NEMP2: variants seen among roughly 807,000 people sequenced by gnomAD.
NEMP2 encodes the protein UPF0571 transmembrane protein.
Under a neutral mutation model 54.2 loss-of-function variants are expected in NEMP2, and 53 were observed. The ratio of observed to expected loss-of-function variants is 0.98; its 90% confidence interval spans 0.78 to 1.23. NEMP2 has a LOEUF of 1.23. Among genes scored for constraint, NEMP2 ranks in the 50% most tolerant of loss-of-function variants. NEMP2 has a pLI of 0.00. For synonymous variants in NEMP2, 197 were observed against 190.3 expected (o/e 1.04, Z -0.29); for missense variants, 455 against 511.3 (o/e 0.89, Z 1.06).
chr2:190,605,323 G>A, the NEMP2 span, among the ~76,000 whole-genome samples: 1 of 138,712 alleles, frequency 7.2e-6, no homozygotes, highest in Admixed American at 7.4e-5. Flanking sequence ...TCCTTTGCTT[G>A]TTCCCAATCT....
chr2:190,542,587 T>G, the NEMP2 span, among the ~76,000 whole-genome samples: 10 of 152,154 alleles, frequency 6.6e-5, no homozygotes, highest in African/African-American at 9.7e-5. The surrounding 1 kb of genome is among the most constrained non-coding windows in gnomAD (Gnocchi z 4.6). Flanking sequence ...TACTTTTTTT[T>G]TTCTTCTGGC....
At chr2:190,645,780 C>T in the NEMP2 span, among the ~76,000 whole-genome samples, 2 of 152,090 alleles carry the variant, frequency 1.3e-5, no homozygotes, top group South Asian at 2.1e-4. Flanking sequence ...TATTTGCATT[C>T]GACGAAGTAT....
chr2:190,457,498 G>A, the NEMP2 span, among the ~76,000 whole-genome samples: 2 of 152,332 alleles, frequency 1.3e-5, no homozygotes, highest in African/African-American at 4.8e-5. The surrounding 1 kb of genome is among the most constrained non-coding windows in gnomAD (Gnocchi z 5.1). Context: ...CATCTAGCCA[G>A]TGATAGGGGA....
Position 190,533,802 on chromosome 2 carries a change from G to A in NEMP2, c.97+757C>T, listed in dbSNP as rs569008236. Among the ~76,000 whole-genome samples the A allele has an allele frequency of 4.5e-4, 68 of 151,978 alleles. No homozygotes were observed. The highest frequency in any genetic ancestry group is 1.5e-3 in the African/African-American group (63 of 41,464). ...AAAAAAAAAGAAACAGAAATGTGAA[G>A]CTCATGGTAAGTTAGCGGCAGGTCT... On this transcript the variant is annotated intron_variant, in intron 1 of 8. Coordinates refer to ENST00000409150, the MANE Select transcript of NEMP2 (RefSeq NM_001142645.2). The surrounding 1 kb of genome is among the most constrained non-coding windows in gnomAD (Gnocchi z 4.3).
chr2:190,510,647 C>G lies in NEMP2; in HGVS notation c.954-110G>C. ...CCTGTAATCCAGCATTTTGGGAGGC[C>G]TGGGGAGGCGGATCACGAGGTCAGG... On this transcript the variant is annotated intron_variant, in intron 7 of 8. Transcript: ENST00000409150. The surrounding 1 kb of genome is among the most constrained non-coding windows in gnomAD (Gnocchi z 5.7). 9.0e-7 allele frequency: 1 copy of G among 1,108,286 alleles called. No homozygotes were observed. Among genetic ancestry groups the G allele is most frequent in the Non-Finnish European group, 1.3e-6 (1 of 766,706 alleles). The allele number at this position is 1,108,286 out of a possible 1,614,324, so 68.7% of individuals were successfully genotyped here. A position where few individuals can be genotyped will look rare whatever the true frequency, so the allele number is the denominator to read the frequency against.
At chr2:190,578,644 G>A in the NEMP2 span, among the ~76,000 whole-genome samples, 1 of 152,112 alleles carries the variant, frequency 6.6e-6, no homozygotes, top group East Asian at 1.9e-4. The surrounding 1 kb of genome is among the most constrained non-coding windows in gnomAD (Gnocchi z 4.4). Context: ...GCGTGTATCT[G>A]AGAGATATGT....
the NEMP2 span, among the ~76,000 whole-genome samples, chr2:190,479,482 C>A: frequency 6.6e-6 from 1 of 152,026 alleles, no homozygotes; most frequent in African/African-American, 2.4e-5. Flanking sequence ...TTTTAAAAAC[C>A]CATAGGAATT....
At chr2:190,534,532 G>GCGCCGC (rs550233201) in intron 1 of NEMP2, 27 bp downstream of exon 1, 66 of 1,380,380 alleles carry the variant, frequency 4.8e-5, no homozygotes, top group South Asian at 1.6e-4. Flanking sequence ...ACGCACGCGC[G>GCGCCGC]CGCCGCCGCC....
At position 190,523,518 on chromosome 2, in the gene NEMP2, G is replaced by T. The variant is rs1690823879; in HGVS notation, c.213+1745C>A. 6.6e-6 allele frequency among the ~76,000 whole-genome samples: 1 copy of T among 152,206 alleles called. No homozygotes were observed. The highest frequency in any genetic ancestry group is 1.5e-5 in the Non-Finnish European group (1 of 68,040). On this transcript the variant is annotated intron_variant, in intron 2 of 8. Transcript: ENST00000409150. The surrounding 1 kb of genome is among the most constrained non-coding windows in gnomAD (Gnocchi z 5.3). ...CGGTTTCTAATAGGTAGATATAGATGTATGTGCAGGCCTATGCGTGTGTAT... is the reference window on the plus strand; with the variant it reads ...CGGTTTCTAATAGGTAGATATAGATTTATGTGCAGGCCTATGCGTGTGTAT...
rs1202525988 is a variant in NEMP2 at position 190,523,263 on chromosome 2, T to TA, written c.213+1999dup. On this transcript the variant is annotated intron_variant, in intron 2 of 8. Transcript: ENST00000409150. The surrounding 1 kb of genome is among the most constrained non-coding windows in gnomAD (Gnocchi z 5.3). Reference sequence around the variant, plus strand: ...AATACACAACCTCCGAAAAAGATTTTAAAAAAACACTATAAATAAATATTG... The same window carrying TA: ...AATACACAACCTCCGAAAAAGATTTTAAAAAAAACACTATAAATAAATATTG... Among the ~76,000 whole-genome samples, 3 of 152,148 alleles carry TA rather than the reference T, an allele frequency of 2.0e-5. No homozygotes were observed. Among genetic ancestry groups the TA allele is most frequent in the Non-Finnish European group, 4.4e-5 (3 of 68,028 alleles).
chr2:190,568,195 T>C, the NEMP2 span: 1 of 152,146 alleles, frequency 6.6e-6, no homozygotes. This position sits in a 1 kb window ranked among gnomAD's most constrained non-coding sequence, Gnocchi z 4.7. Flanking sequence ...ACATGATCTT[T>C]GTGAAGGTGA....
chr2:190,569,989 G>A, the NEMP2 span, among the ~76,000 whole-genome samples: 2 of 152,342 alleles, frequency 1.3e-5, no homozygotes, highest in South Asian at 2.1e-4. Context: ...TGGTGAATGG[G>A]TTAGGAGTAG....
At chr2:190,611,114 T>A in the NEMP2 span, 1 of 152,212 alleles carries the variant, frequency 6.6e-6, no homozygotes, top group Non-Finnish European at 1.5e-5. This position sits in a 1 kb window ranked among gnomAD's most constrained non-coding sequence, Gnocchi z 5.4. Flanking sequence ...GTAGCCATAG[T>A]TAAACACACA....
chr2:190,451,950 C>G, the NEMP2 span, among the ~76,000 whole-genome samples: 1 of 152,134 alleles, frequency 6.6e-6, no homozygotes, highest in Admixed American at 6.6e-5. This position sits in a 1 kb window ranked among gnomAD's most constrained non-coding sequence, Gnocchi z 5.0. Flanking sequence ...TACAAAGGTC[C>G]ATTTTTCTTC....
the NEMP2 span, among the ~76,000 whole-genome samples, chr2:190,462,110 T>A: frequency 1.3e-5 from 2 of 152,218 alleles, no homozygotes; most frequent in Non-Finnish European, 2.9e-5. The surrounding 1 kb of genome is among the most constrained non-coding windows in gnomAD (Gnocchi z 5.7). Context: ...TGTTCGTGAT[T>A]TGCTGTCTGT....
the NEMP2 span, among the ~76,000 whole-genome samples, chr2:190,551,504 C>T: frequency 6.6e-6 from 1 of 151,416 alleles, no homozygotes; most frequent in Non-Finnish European, 1.5e-5. Flanking sequence ...TCTAATTGTC[C>T]CCTGAGTTCT....
downstream of NEMP2, among the ~76,000 whole-genome samples, chr2:190,503,302 C>T (rs1690096770): frequency 6.6e-6 from 1 of 152,238 alleles, no homozygotes; most frequent in African/African-American, 2.4e-5. This position sits in a 1 kb window ranked among gnomAD's most constrained non-coding sequence, Gnocchi z 6.3. Context: ...ACCCACAGCT[C>T]TGTACTGTCC....
chr2:190,648,180 G>A, the NEMP2 span: 45 of 152,406 alleles, frequency 3.0e-4, no homozygotes, highest in African/African-American at 1.1e-3. Context: ...AAAATAAAAG[G>A]CAGATTTTCA....
the NEMP2 span, among the ~76,000 whole-genome samples, chr2:190,571,404 G>GT: frequency 6.6e-6 from 1 of 151,890 alleles, no homozygotes; most frequent in East Asian, 1.9e-4. Flanking sequence ...TTAGCCAGGC[G>GT]TGGTGGTGGG....
Sources: gnomAD v4.1 joint callset for allele counts (sites outside exome capture counted in the v4.1 genomes callset) on GRCh38, gnomAD v4.1.1 for gene constraint, Gnocchi (gnomAD v3.1) non-coding constraint, MANE v1.5 for transcripts, NCBI Gene and HGNC (gene_info 2026-07-23, HGNC 2026-07-21) for gene names.